The following KCNK9 variants were observed in gnomAD, a reference collection of about 807,000 sequenced individuals.
KCNK9 encodes the protein potassium channel subfamily K member 9.
In KCNK9, 1 loss-of-function variant was observed where a neutral mutation model predicts 10.8. That is an observed-to-expected ratio of 0.09 (90% CI 0.03 to 0.44). KCNK9 has a LOEUF of 0.44. KCNK9 is among the 20% of genes least tolerant of loss of function. KCNK9 has a pLI of 0.97. For synonymous variants in KCNK9, 231 were observed against 222.7 expected, an observed-to-expected ratio of 1.04 and a Z score of -0.33; for missense variants, 303 against 515.0, an observed-to-expected ratio of 0.59 and a Z score of 3.98.
chr8:139,605,807 C>T (rs1387128762), intron 2 of KCNK9, among the ~76,000 whole-genome samples: 1 of 152,170 alleles, frequency 6.6e-6, no homozygotes, highest in African/African-American at 2.4e-5. Context: ...TCTACATGGG[C>T]TGGATGTCTA....
intron 1 of KCNK9, among the ~76,000 whole-genome samples, chr8:139,662,283 G>A (rs1655232955): frequency 6.6e-6 from 1 of 152,170 alleles, no homozygotes; most frequent in African/African-American, 2.4e-5. Flanking sequence ...GGCTCTGCAA[G>A]TGAAGCCACA....
At chr8:139,615,294 G>A (rs566320308), downstream of KCNK9, among the ~76,000 whole-genome samples, 1 of 152,200 alleles carries the variant, frequency 6.6e-6, no homozygotes, top group Non-Finnish European at 1.5e-5. Context: ...AACAAAGGCT[G>A]CTCAGTGAGA....
At chr8:139,639,584 C>T (rs148877890) in intron 1 of KCNK9, among the ~76,000 whole-genome samples, 41 of 152,340 alleles carry the variant, frequency 2.7e-4, no homozygotes, top group Admixed American at 5.9e-4. Flanking sequence ...CCCAGCCCAG[C>T]GCTGGGGGTC....
chr8:139,643,621 C>T (rs1264433800), intron 1 of KCNK9, among the ~76,000 whole-genome samples: 1 of 152,200 alleles, frequency 6.6e-6, no homozygotes, highest in Non-Finnish European at 1.5e-5. Context: ...ACAGGTGTCC[C>T]CTGGCGGCTG....
Position 139,634,606 on chromosome 8 carries a change from G to A in KCNK9, c.284-15507C>T, listed in dbSNP as rs553369812. 2.6e-5 allele frequency among the ~76,000 whole-genome samples: 4 copies of A among 152,284 alleles called. No homozygotes were observed. The East Asian group carries it at 7.7e-4, about 29-fold the overall frequency. ...CTGCCCTGCTGGGATGGACTGTCCT[G>A]CCCAGAGCAGCAGGAGAGCCTTGAG... On this transcript the variant is annotated intron_variant, in intron 1 of 1. Transcript: ENST00000520439.
intron 1 of KCNK9, among the ~76,000 whole-genome samples, chr8:139,633,707 G>A (rs1031643181): frequency 3.3e-5 from 5 of 152,186 alleles, no homozygotes; most frequent in African/African-American, 1.2e-4. Context: ...CCCAGGCTGC[G>A]CGAGGCTCAC....
In KCNK9 at chr8:139,703,014, G is replaced by A. The variant is rs780355637; in HGVS notation, c.-22C>T. ...TCATGGCCGCCAGCAAGGAGCCGGC[G>A]CGGGGGGCATGTCCCGCAGGCTCAC... On this transcript the variant is annotated 5_prime_UTR_variant, in exon 1 of 2. Coordinates refer to ENST00000520439, the MANE Select transcript of KCNK9 (RefSeq NM_001282534.2). The surrounding 1 kb of genome is among the most constrained non-coding windows in gnomAD (Gnocchi z 6.4). The A allele has an allele frequency of 6.5e-5, 101 of 1,546,492 alleles. No individual in the cohort carries two copies. The highest frequency in any genetic ancestry group is 2.0e-4 in the Middle Eastern group (1 of 4,936).
intron 1 of KCNK9, among the ~76,000 whole-genome samples, chr8:139,660,791 G>A (rs192871339): frequency 6.6e-6 from 1 of 152,212 alleles, no homozygotes; most frequent in Admixed American, 6.5e-5. Flanking sequence ...GATATGTCTT[G>A]CAACCATTCC....
At chr8:139,603,502 GA>G (rs1475491061) in intron 2 of KCNK9, among the ~76,000 whole-genome samples, 5 of 152,322 alleles carry the variant, frequency 3.3e-5, no homozygotes, top group Admixed American at 3.3e-4. Flanking sequence ...TAAAGTCCAA[GA>G]AAGATGGTTT....
Position 139,641,954 on chromosome 8 carries a change from G to A in KCNK9, c.284-22855C>T, listed in dbSNP as rs940291015. Among the ~76,000 whole-genome samples the A allele has an allele frequency of 2.0e-5, 3 of 152,302 alleles. No homozygotes were observed. The South Asian group carries it at 6.2e-4, about 32-fold the overall frequency. On this transcript the variant is annotated intron_variant, in intron 1 of 1. Transcript: ENST00000520439. ...ATGCACAGGCCTCCTCTCAGGCTCTGCCATACAGATGTCCACCTCAGCTCA... is the reference window on the plus strand; with the variant it reads ...ATGCACAGGCCTCCTCTCAGGCTCTACCATACAGATGTCCACCTCAGCTCA...
chr8:139,678,334 C>T (rs994510856), intron 1 of KCNK9, among the ~76,000 whole-genome samples: 12 of 152,232 alleles, frequency 7.9e-5, no homozygotes, highest in African/African-American at 2.7e-4. Flanking sequence ...CAGGAACCCA[C>T]CTCCCTTCTG....
intron 1 of KCNK9, among the ~76,000 whole-genome samples, chr8:139,647,921 G>A (rs1044899523): frequency 2.0e-5 from 3 of 152,186 alleles, no homozygotes; most frequent in African/African-American, 7.2e-5. Context: ...ACATGACCCA[G>A]CAATCCCATT....
chr8:139,629,700 G>A (rs777900016), intron 1 of KCNK9, among the ~76,000 whole-genome samples: 2 of 152,086 alleles, frequency 1.3e-5, no homozygotes, highest in Non-Finnish European at 2.9e-5. Context: ...GCAGTTTCTG[G>A]TGGGGGCTCT....
chr8:139,671,511 CTTTT>C (rs35081138), intron 1 of KCNK9, among the ~76,000 whole-genome samples: 3 of 132,728 alleles, frequency 2.3e-5, no homozygotes, highest in Admixed American at 7.6e-5. Context: ...TTTTTAGTTT[CTTTT>C]TTTTTTTTTT....
intron 1 of KCNK9, among the ~76,000 whole-genome samples, chr8:139,659,295 A>G (rs1267506630): frequency 1.3e-5 from 2 of 152,164 alleles, no homozygotes; most frequent in Non-Finnish European, 2.9e-5. Context: ...TATGCACTAC[A>G]AGAGCTGCCT....
At chr8:139,635,019 C>T (rs1815296046) in intron 1 of KCNK9, among the ~76,000 whole-genome samples, 1 of 152,120 alleles carries the variant, frequency 6.6e-6, no homozygotes, top group Non-Finnish European at 1.5e-5. Flanking sequence ...CTGGGTCGTT[C>T]CCCTGCTGCA....
intron 1 of KCNK9, among the ~76,000 whole-genome samples, chr8:139,683,978 C>G (rs369616727): frequency 1.3e-3 from 193 of 152,346 alleles, no homozygotes; most frequent in Non-Finnish European, 2.0e-3. Context: ...CCTTTGCCCC[C>G]TCCTTCTTCC....
At chr8:139,695,001 G>A (rs549130910) in intron 1 of KCNK9, among the ~76,000 whole-genome samples, 127 of 152,308 alleles carry the variant, frequency 8.3e-4, no homozygotes, top group African/African-American at 2.9e-3. Context: ...GACAAGCCAG[G>A]CCAACACACT....
At chr8:139,622,258 C>G (rs562039197) in intron 1 of KCNK9, among the ~76,000 whole-genome samples, 29 of 152,186 alleles carry the variant, frequency 1.9e-4, no homozygotes, top group African/African-American at 7.0e-4. Context: ...TCCCAGTGGT[C>G]TGGGGAACAG....
Sources: gnomAD v4.1 joint callset for allele counts (sites outside exome capture counted in the v4.1 genomes callset) on GRCh38, gnomAD v4.1.1 for gene constraint, Gnocchi (gnomAD v3.1) non-coding constraint, MANE v1.5 for transcripts, NCBI Gene and HGNC (gene_info 2026-07-23, HGNC 2026-07-21) for gene names.